The following SUCLG2 variants were observed in gnomAD, a reference collection of about 807,000 sequenced individuals.
The protein encoded by SUCLG2 is succinate-CoA ligase GDP-forming subunit beta.
A neutral mutation model predicts 47.9 loss-of-function variants in SUCLG2; 42 were observed. The observed-to-expected ratio is 0.88, with a 90% CI of 0.69 to 1.14. The LOEUF is 1.14. Ranked by LOEUF, SUCLG2 falls within the 50% of genes most tolerant of loss-of-function variation. The pLI, the probability that SUCLG2 is intolerant of heterozygous loss-of-function variation, is 0.00. For synonymous variants in SUCLG2, 195 were observed against 197.3 expected (o/e 0.99, Z 0.10); for missense variants, 571 against 525.9 (o/e 1.09, Z -0.84).
intron 9 of SUCLG2, among the ~76,000 whole-genome samples, chr3:67,424,072 T>C (rs1215641570): frequency 1.3e-5 from 2 of 152,238 alleles, no homozygotes; most frequent in Non-Finnish European, 1.5e-5. Flanking sequence ...ATTGCTTTAG[T>C]AGAATATAAA....
intron 9 of SUCLG2, among the ~76,000 whole-genome samples, 191 bp downstream of exon 9, chr3:67,495,607 G>A (rs550428434): frequency 3.3e-5 from 5 of 149,808 alleles, no homozygotes; most frequent in South Asian, 2.1e-4. Context: ...AGCCAAGATC[G>A]CGCCACTGTA....
At chr3:67,383,146 C>T (rs1043360573) in intron 10 of SUCLG2, among the ~76,000 whole-genome samples, 1 of 152,214 alleles carries the variant, frequency 6.6e-6, no homozygotes, top group Non-Finnish European at 1.5e-5. Flanking sequence ...CAGCCAACAG[C>T]ATTGGCCATC....
At chr3:67,626,985 T>A (rs1360044480) in intron 1 of SUCLG2, among the ~76,000 whole-genome samples, 4 of 146,106 alleles carry the variant, frequency 2.7e-5, no homozygotes, top group Non-Finnish European at 4.5e-5. Flanking sequence ...TATCAAAAAA[T>A]TTTCAACTAG....
chr3:67,587,754 AC>A (rs1390587108), intron 2 of SUCLG2, among the ~76,000 whole-genome samples: 1 of 152,184 alleles, frequency 6.6e-6, no homozygotes, highest in Non-Finnish European at 1.5e-5. Flanking sequence ...CAAATGTGTC[AC>A]CAAAGCCTAT....
rs1460613398 is a variant in SUCLG2, at chr3:67,375,408, T to C, written c.*336A>G. The C allele has an allele frequency of 4.2e-5, 42 of 1,002,044 alleles. No homozygotes were observed. Among genetic ancestry groups the C allele is most frequent in the Non-Finnish European group, 4.9e-5 (41 of 841,216 alleles). 62.1% of individuals were successfully genotyped at this position (1,002,044 alleles called of 1,614,324 possible). On this transcript the variant is annotated 3_prime_UTR_variant, in exon 11 of 11. Transcript: ENST00000307227. ...GATTAGATGCCCACCAAAATTCTTG[T>C]AAATGAAGCAGGACTTGATTTCAAA...
intron 2 of SUCLG2, among the ~76,000 whole-genome samples, chr3:67,565,417 C>A (rs975240707): frequency 6.6e-6 from 1 of 152,146 alleles, no homozygotes; most frequent in Admixed American, 6.6e-5. Flanking sequence ...TTCAGTCTTA[C>A]CCCAACTGTA....
At chr3:67,444,172 C>T (rs1449444311) in intron 9 of SUCLG2, among the ~76,000 whole-genome samples, 5 of 53,752 alleles carry the variant, frequency 9.3e-5, no homozygotes, top group Non-Finnish European at 1.2e-4. Flanking sequence ...GAGTCAGCCC[C>T]CCGCCCGGCC....
intron 9 of SUCLG2, among the ~76,000 whole-genome samples, chr3:67,401,561 A>C (rs72918919): frequency 0.011 from 1,626 of 143,676 alleles, 33 homozygotes; most frequent in African/African-American, 0.04. Context: ...TTCCATATTC[A>C]AAGGCATGTG....
chr3:67,609,356 A>G, intron 2 of SUCLG2, 99 bp downstream of exon 2: 1 of 1,382,812 alleles, frequency 7.2e-7, no homozygotes, highest in Non-Finnish European at 9.9e-7. Context: ...TGTCCCTGTC[A>G]GTTTAATCCA....
chr3:67,400,591 C>T lies in SUCLG2; in HGVS notation c.1183+140G>A, dbSNP rs558670565. The T allele has an allele frequency of 5.5e-5, 65 of 1,192,108 alleles. No individual in the cohort carries two copies. In the African/African-American group the frequency reaches 9.6e-4, roughly 18 times the overall value. 73.8% of individuals were successfully genotyped at this position (1,192,108 alleles called of 1,614,324 possible). On this transcript the variant is annotated intron_variant, in intron 10 of 10. Coordinates refer to ENST00000307227, the MANE Select transcript of SUCLG2 (RefSeq NM_003848.4). ...TAGTTTGCTAGAGGCCCAGGGAAGT[C>T]CTGCCGTACTGTGTTTGTTTCATCT...
intron 4 of SUCLG2, among the ~76,000 whole-genome samples, chr3:67,525,273 T>C (rs1400487344): frequency 6.6e-6 from 1 of 152,196 alleles, no homozygotes; most frequent in Non-Finnish European, 1.5e-5. Flanking sequence ...AAAGATAAAA[T>C]TGTTCTAGAT....
chr3:67,561,787 G>A (rs1286989048), intron 2 of SUCLG2, among the ~76,000 whole-genome samples: 1 of 152,134 alleles, frequency 6.6e-6, no homozygotes, highest in South Asian at 2.1e-4. Context: ...TCATTATCAT[G>A]AGTATCCTAG....
At chr3:67,522,856 G>A (rs142772425) in intron 4 of SUCLG2, among the ~76,000 whole-genome samples, 59 of 151,968 alleles carry the variant, frequency 3.9e-4, no homozygotes, top group Non-Finnish European at 6.5e-4. Flanking sequence ...TAGTGGAGAC[G>A]GGGTTTCACC....
At chr3:67,397,465 G>A (rs1355058968) in intron 10 of SUCLG2, among the ~76,000 whole-genome samples, 4 of 152,158 alleles carry the variant, frequency 2.6e-5, no homozygotes, top group Middle Eastern at 3.4e-3. Context: ...CTTACAAAGG[G>A]CGTGAAGGAC....
chr3:67,609,719 GC>G, intron 1 of SUCLG2, 123 bp from the exon 2 acceptor site: 1 of 861,790 alleles, frequency 1.2e-6, no homozygotes. Context: ...GTTGAGAGAA[GC>G]AAAAGAAAAA....
At chr3:67,407,300 C>G (rs1702835968) in intron 9 of SUCLG2, among the ~76,000 whole-genome samples, 1 of 152,170 alleles carries the variant, frequency 6.6e-6, no homozygotes, top group African/African-American at 2.4e-5. Context: ...TTCTTCATGT[C>G]ACTTGATATA....
At chr3:67,376,159 C>A (rs1486637542) in intron 10 of SUCLG2, 1 of 940,888 alleles carries the variant, frequency 1.1e-6, no homozygotes, top group Non-Finnish European at 1.2e-6. Flanking sequence ...GCGGTTTTGG[C>A]CCACACCAGA....
At chr3:67,603,244 G>T (rs1045727602) in intron 2 of SUCLG2, among the ~76,000 whole-genome samples, 2 of 152,190 alleles carry the variant, frequency 1.3e-5, no homozygotes, top group South Asian at 2.1e-4. Flanking sequence ...AGGATATTAA[G>T]ATCTTTTTGC....
intron 10 of SUCLG2, among the ~76,000 whole-genome samples, chr3:67,393,532 G>A (rs1468273080): frequency 2.0e-5 from 3 of 152,210 alleles, no homozygotes; most frequent in African/African-American, 4.8e-5. Flanking sequence ...CTCGAACTGG[G>A]TGGAACCCAC....
Sources: gnomAD v4.1 joint callset for allele counts (sites outside exome capture counted in the v4.1 genomes callset) on GRCh38, gnomAD v4.1.1 for gene constraint, MANE v1.5 for transcripts, NCBI Gene and HGNC (gene_info 2026-07-23, HGNC 2026-07-21) for gene names.